Variants in NCALD observed in about 807,000 individuals in gnomAD.
NCALD encodes the protein neurocalcin-delta.
NCALD carries 10 observed loss-of-function variants against 18.6 expected under a neutral mutation model. The observed-to-expected ratio is 0.54, with a 90% CI of 0.33 to 0.91. The LOEUF (loss-of-function observed/expected upper bound fraction) is 0.91. NCALD is among the 40% of genes least tolerant of loss of function. The pLI is 0.03. For missense variants in NCALD, 184 were observed against 247.6 expected (o/e 0.74, Z 1.72); for synonymous variants, 88 against 87.4 (o/e 1.01, Z -0.04).
At chr8:101,698,621 A>T (rs1815113208) in intron 2 of NCALD, among the ~76,000 whole-genome samples, 1 of 152,210 alleles carries the variant, frequency 6.6e-6, no homozygotes, top group Non-Finnish European at 1.5e-5. Flanking sequence ...CCTCAGAAAT[A>T]ACACCACACA....
At chr8:102,089,628 T>C (rs1192492781) in intron 1 of NCALD, among the ~76,000 whole-genome samples, 1 of 152,104 alleles carries the variant, frequency 6.6e-6, no homozygotes, top group African/African-American at 2.4e-5. Context: ...AAAACAGTTT[T>C]ACATGGAAGG....
intron 1 of NCALD, among the ~76,000 whole-genome samples, chr8:101,740,626 A>T (rs1810145456): frequency 6.6e-6 from 1 of 152,244 alleles, no homozygotes; most frequent in South Asian, 2.1e-4. Flanking sequence ...TGTCTTGTTA[A>T]GAGAAAATGA....
At chr8:102,005,795 G>A (rs1188576031) in intron 2 of NCALD, among the ~76,000 whole-genome samples, 7 of 147,144 alleles carry the variant, frequency 4.8e-5, no homozygotes, top group Non-Finnish European at 8.9e-5. Context: ...ACCAAACACC[G>A]CATGTTCTCA....
upstream of NCALD, among the ~76,000 whole-genome samples, chr8:101,794,155 A>G (rs2131036914): frequency 6.6e-6 from 1 of 152,244 alleles, no homozygotes; most frequent in East Asian, 1.9e-4. Context: ...ACACCTTGCC[A>G]CAGGGTAGAT....
intron 2 of NCALD, among the ~76,000 whole-genome samples, chr8:101,707,101 A>G (rs1815563863): frequency 6.6e-6 from 1 of 152,168 alleles, no homozygotes; most frequent in Non-Finnish European, 1.5e-5. Flanking sequence ...TGTAAGATGA[A>G]CTAGAAACTC....
chr8:101,964,449 C>T (rs1332133849), intron 2 of NCALD, among the ~76,000 whole-genome samples: 2 of 152,134 alleles, frequency 1.3e-5, no homozygotes, highest in Non-Finnish European at 2.9e-5. Context: ...TGCAGGGTCC[C>T]AGTAGCCTTC....
At chr8:101,917,631 A>G (rs1480831184) in intron 2 of NCALD, among the ~76,000 whole-genome samples, 1 of 152,104 alleles carries the variant, frequency 6.6e-6, no homozygotes, top group Non-Finnish European at 1.5e-5. Flanking sequence ...ATCACAAATG[A>G]CAAAGGTGAT....
intron 1 of NCALD, among the ~76,000 whole-genome samples, chr8:101,723,604 A>G (rs1184015617): frequency 6.6e-6 from 1 of 152,224 alleles, no homozygotes; most frequent in African/African-American, 2.4e-5. Context: ...AAAGGACTCC[A>G]ATTTTAAACC....
chr8:101,832,175 C>T (rs1197118874), intron 4 of NCALD, among the ~76,000 whole-genome samples: 4 of 152,098 alleles, frequency 2.6e-5, no homozygotes, highest in Non-Finnish European at 5.9e-5. Context: ...TTAGATGCTT[C>T]CAATCCTGTC....
chr8:101,958,545 A>G (rs570557401), intron 2 of NCALD, among the ~76,000 whole-genome samples: 2 of 152,178 alleles, frequency 1.3e-5, no homozygotes, highest in African/African-American at 4.8e-5. Flanking sequence ...AATAAGAACA[A>G]TATCTAAGAG....
At chr8:101,751,026 A>T (rs565100765) in intron 1 of NCALD, among the ~76,000 whole-genome samples, 17 of 152,210 alleles carry the variant, frequency 1.1e-4, no homozygotes, top group Non-Finnish European at 2.2e-4. Context: ...TGCAGAAATG[A>T]CCAGTGTCAT....
intron 4 of NCALD, among the ~76,000 whole-genome samples, chr8:101,805,536 G>A (rs919996936): frequency 1.3e-4 from 20 of 152,298 alleles, no homozygotes; most frequent in African/African-American, 4.6e-4. Flanking sequence ...GCCAGGGAAG[G>A]CAATTTGAGA....
chr8:102,059,290 C>A (rs2132252072), intron 1 of NCALD, among the ~76,000 whole-genome samples: 1 of 152,316 alleles, frequency 6.6e-6, no homozygotes, highest in Admixed American at 6.5e-5. Flanking sequence ...GCTATCCATC[C>A]TCTTTGCTCC....
At chr8:101,740,672 C>T (rs1384161535) in intron 1 of NCALD, among the ~76,000 whole-genome samples, 1 of 152,114 alleles carries the variant, frequency 6.6e-6, no homozygotes, top group East Asian at 1.9e-4. Context: ...GAAAGATGAA[C>T]ATATATCCAC....
chr8:102,021,053 T>G (rs1490553976), intron 1 of NCALD, among the ~76,000 whole-genome samples: 1 of 152,192 alleles, frequency 6.6e-6, no homozygotes, highest in Non-Finnish European at 1.5e-5. Context: ...TTAAGCTCAT[T>G]TATTAACACT....
chr8:101,854,336 C>T (rs7464196), intron 4 of NCALD, among the ~76,000 whole-genome samples: 2,380 of 152,216 alleles, frequency 0.016, 71 homozygotes, highest in African/African-American at 0.052. Context: ...AGCTGTCTCA[C>T]TCTACTTTCA....
At chr8:101,997,757 G>T (rs1025427626) in intron 2 of NCALD, among the ~76,000 whole-genome samples, 4 of 152,124 alleles carry the variant, frequency 2.6e-5, no homozygotes, top group Non-Finnish European at 5.9e-5. Flanking sequence ...GACCAGGTTT[G>T]GTTAAAGTTG....
intron 4 of NCALD, among the ~76,000 whole-genome samples, chr8:101,807,938 G>T (rs1813163582): frequency 6.6e-6 from 1 of 152,094 alleles, no homozygotes; most frequent in Non-Finnish European, 1.5e-5. Context: ...ATAATAAAAT[G>T]AGAAGAAACT....
At chr8:101,736,697 G>C (rs1809933362) in intron 1 of NCALD, among the ~76,000 whole-genome samples, 1 of 152,128 alleles carries the variant, frequency 6.6e-6, no homozygotes, top group African/African-American at 2.4e-5. Context: ...AGAACCTCTG[G>C]GGTTTTCAAG....
Sources: allele counts gnomAD v4.1 joint callset (sites outside exome capture counted in the v4.1 genomes callset), GRCh38; gene constraint gnomAD v4.1.1; transcripts MANE v1.5; gene names NCBI Gene and HGNC (gene_info 2026-07-23, HGNC 2026-07-21).